The following PLCB1 variants were observed in gnomAD, a reference collection of about 807,000 sequenced individuals.
The protein encoded by PLCB1 is phospholipase C beta 1, also known as 1-phosphatidylinositol 4,5-bisphosphate phosphodiesterase beta-1.
PLCB1 carries 46 observed loss-of-function variants against 161.8 expected under a neutral mutation model. The ratio of observed to expected loss-of-function variants is 0.28; its 90% CI spans 0.22 to 0.36. The LOEUF is 0.36. Ranked by LOEUF, PLCB1 falls within the 10% of genes least tolerant of loss-of-function variation. The pLI is 1.00. For missense variants in PLCB1, 1,016 were observed against 1,472.5 expected (o/e 0.69, Z 5.07); for synonymous variants, 517 against 503.7 (o/e 1.03, Z -0.35).
chr20:8,495,564 A>AT (rs139658715), intron 3 of PLCB1, among the ~76,000 whole-genome samples: 97,134 of 151,048 alleles, frequency 0.64, 31,848 homozygotes, highest in Non-Finnish European at 0.71. Context: ...TGGCCGGCTA[A>AT]TTTTTTGTAT....
At chr20:8,534,351 C>A (rs1233217111) in intron 3 of PLCB1, among the ~76,000 whole-genome samples, 1 of 152,222 alleles carries the variant, frequency 6.6e-6, no homozygotes, top group African/African-American at 2.4e-5. Context: ...GCCCTTGTGA[C>A]AGACTTTTAA....
At chr20:8,696,529 C>T (rs1990589308) in intron 10 of PLCB1, among the ~76,000 whole-genome samples, 1 of 151,940 alleles carries the variant, frequency 6.6e-6, no homozygotes, top group South Asian at 2.1e-4. Flanking sequence ...CAATTTTTTC[C>T]AAAAAATCCT....
chr20:8,650,799 A>G (rs1568546719), intron 7 of PLCB1, among the ~76,000 whole-genome samples: 1 of 152,210 alleles, frequency 6.6e-6, no homozygotes, highest in Non-Finnish European at 1.5e-5. Flanking sequence ...GTGCTTATAA[A>G]TAAATATATT....
At chr20:8,822,906 C>G (rs1397224413) in intron 31 of PLCB1, among the ~76,000 whole-genome samples, 1 of 152,178 alleles carries the variant, frequency 6.6e-6, no homozygotes, top group Non-Finnish European at 1.5e-5. Context: ...CATCCATGGA[C>G]TCAACCAACT....
At chr20:8,604,016 G>A (rs943385043) in intron 3 of PLCB1, among the ~76,000 whole-genome samples, 1 of 152,150 alleles carries the variant, frequency 6.6e-6, no homozygotes, top group African/African-American at 2.4e-5. Flanking sequence ...ACTTTGGAAG[G>A]CTGAGGTAGG....
At chr20:8,247,287 A>T (rs1980924519) in intron 2 of PLCB1, among the ~76,000 whole-genome samples, 1 of 151,948 alleles carries the variant, frequency 6.6e-6, no homozygotes, top group Non-Finnish European at 1.5e-5. Context: ...AGCCATATGA[A>T]TTATCCAATT....
intron 3 of PLCB1, among the ~76,000 whole-genome samples, chr20:8,449,627 A>C (rs1226492954): frequency 2.0e-5 from 3 of 152,202 alleles, no homozygotes; most frequent in African/African-American, 7.2e-5. Context: ...CGGGGCACAT[A>C]CTACAATCGT....
At chr20:8,878,135 T>C (rs925803573) in intron 31 of PLCB1, among the ~76,000 whole-genome samples, 1 of 152,214 alleles carries the variant, frequency 6.6e-6, no homozygotes, top group African/African-American at 2.4e-5. Context: ...TGTCCACCAA[T>C]GAGCATTAAC....
intron 9 of PLCB1, among the ~76,000 whole-genome samples, chr20:8,684,166 G>A (rs533921400): frequency 6.6e-6 from 1 of 151,202 alleles, no homozygotes; most frequent in East Asian, 2.0e-4. Context: ...TTACAGGCGT[G>A]AGCCACCGCG....
At chr20:8,154,602 C>G (rs1234912466) in intron 2 of PLCB1, among the ~76,000 whole-genome samples, 1 of 152,186 alleles carries the variant, frequency 6.6e-6, no homozygotes, top group Non-Finnish European at 1.5e-5. Flanking sequence ...GCCCAACCAA[C>G]AGTAATAGGA....
intron 31 of PLCB1, among the ~76,000 whole-genome samples, chr20:8,809,816 T>C (rs557768245): frequency 1.3e-5 from 2 of 152,272 alleles, no homozygotes; most frequent in East Asian, 1.9e-4. Context: ...GCCCTCAGTA[T>C]AAAATGTTTT....
Position 8,312,885 on chromosome 20 carries a change from T to A in PLCB1, c.178-58497T>A, listed in dbSNP as rs141261859. Among the ~76,000 whole-genome samples, 337 of 152,152 alleles carry A rather than the reference T, an allele frequency of 2.2e-3. 3 individuals are homozygous for A. The highest frequency in any genetic ancestry group is 7.5e-3 in the African/African-American group (313 of 41,534). On this transcript the variant is annotated intron_variant, in intron 2 of 31. Coordinates refer to ENST00000338037, the MANE Select transcript of PLCB1 (RefSeq NM_015192.4). ...TTGGTCAGCTCTCCTGTGCTTGAAATTGTCACCGTTTGAAGAGTGGCTGTC... is the reference window on the plus strand; with the variant it reads ...TTGGTCAGCTCTCCTGTGCTTGAAAATGTCACCGTTTGAAGAGTGGCTGTC...
chr20:8,476,291 T>G (rs1982276612), intron 3 of PLCB1, among the ~76,000 whole-genome samples: 1 of 152,180 alleles, frequency 6.6e-6, no homozygotes, highest in African/African-American at 2.4e-5. Flanking sequence ...GTCACTTCCT[T>G]CTTGTTCAAG....
At chr20:8,391,785 G>GTATATATATATATA (rs374178427) in intron 3 of PLCB1, among the ~76,000 whole-genome samples, 3 of 115,156 alleles carry the variant, frequency 2.6e-5, no homozygotes, top group Admixed American at 9.9e-5. Flanking sequence ...ATATGTGTGT[G>GTATATATATATATA]TATATATATA....
At chr20:8,831,423 T>C (rs1985975006) in intron 31 of PLCB1, 1 of 152,458 alleles carries the variant, frequency 6.6e-6, no homozygotes, top group Admixed American at 6.5e-5. Context: ...GATCTAAGTT[T>C]GTCTTACATG....
intron 3 of PLCB1, among the ~76,000 whole-genome samples, chr20:8,532,860 A>G (rs563890031): frequency 2.0e-5 from 3 of 151,978 alleles, no homozygotes; most frequent in Admixed American, 1.3e-4. Flanking sequence ...TTTTTATTTT[A>G]TTTTATTTTA....
rs531483821 is a variant in PLCB1 at position 8,733,860 on chromosome 20, G to A, written c.2043+468G>A. 3.0e-4 allele frequency among the ~76,000 whole-genome samples: 45 copies of A among 149,120 alleles called. No homozygotes were observed. The South Asian group carries it at 7.4e-3, about 25-fold the overall frequency. On this transcript the variant is annotated intron_variant, in intron 19 of 31. Transcript: ENST00000338037. ...GGTAGGGTCGGGCGCAGTGACTCACGCCTGTAATCCCAGCACTTTGGGAGG... is the reference window on the plus strand; with the variant it reads ...GGTAGGGTCGGGCGCAGTGACTCACACCTGTAATCCCAGCACTTTGGGAGG...
chr20:8,581,476 T>A (rs1373405463), intron 3 of PLCB1, among the ~76,000 whole-genome samples: 1 of 152,118 alleles, frequency 6.6e-6, no homozygotes, highest in Admixed American at 6.5e-5. Context: ...ATGGGACAAT[T>A]TTGGATGTCC....
intron 1 of PLCB1, among the ~76,000 whole-genome samples, chr20:8,133,942 TC>T (rs1322359085): frequency 6.6e-6 from 1 of 152,200 alleles, no homozygotes; most frequent in Non-Finnish European, 1.5e-5. Context: ...ATTTAAATAT[TC>T]CAGGTAGTGA....
Sources: gnomAD v4.1 joint callset for allele counts (sites outside exome capture counted in the v4.1 genomes callset) on GRCh38, gnomAD v4.1.1 for gene constraint, MANE v1.5 for transcripts, NCBI Gene and HGNC (gene_info 2026-07-23, HGNC 2026-07-21) for gene names.